Variants in CDK14 observed in about 807,000 individuals in gnomAD.
CDK14 encodes the protein cyclin-dependent kinase 14.
Under a neutral mutation model 60.7 loss-of-function variants are expected in CDK14, and 34 were observed. The ratio of observed to expected loss-of-function variants is 0.56; its 90% CI spans 0.43 to 0.75. CDK14 has a LOEUF of 0.75. Among genes scored for constraint, CDK14 ranks in the 30% least tolerant of loss-of-function variants. The pLI is 0.00. For missense variants in CDK14, 482 were observed against 564.1 expected, an observed-to-expected ratio of 0.85 and a Z score of 1.47; for synonymous variants, 197 against 203.7, an observed-to-expected ratio of 0.97 and a Z score of 0.28.
At chr7:90,922,207 C>T (rs549854312) in intron 8 of CDK14, among the ~76,000 whole-genome samples, 46 of 152,136 alleles carry the variant, frequency 3.0e-4, no homozygotes, top group Middle Eastern at 6.8e-3. Flanking sequence ...TGTGGCCTGC[C>T]GGATTCAATT....
intron 3 of CDK14, among the ~76,000 whole-genome samples, chr7:90,729,582 C>G (rs1257781567): frequency 6.6e-6 from 1 of 151,328 alleles, no homozygotes; most frequent in Non-Finnish European, 1.5e-5. Context: ...CACAGTTTCT[C>G]TATTGTATTT....
intron 8 of CDK14, among the ~76,000 whole-genome samples, chr7:90,942,839 A>T (rs3808251): frequency 0.34 from 51,231 of 152,026 alleles, 9,025 homozygotes; most frequent in East Asian, 0.49. Context: ...CTTTATATTT[A>T]TATAACAGAA....
chr7:90,942,816 G>A lies in CDK14; in HGVS notation c.827-12881G>A, dbSNP rs76640245. ...ATTTCACTGCTTGCCCCAGAACAGT[G>A]GGTAGGGACTTGCTTTATATTTATA... On this transcript the variant is annotated intron_variant, in intron 8 of 14. Coordinates refer to ENST00000380050, the MANE Select transcript of CDK14 (RefSeq NM_001287135.2). Among the ~76,000 whole-genome samples the A allele has an allele frequency of 6.9e-3, 1,044 of 152,252 alleles. 19 individuals are homozygous for A. Among genetic ancestry groups the A allele is most frequent in the African/African-American group, 0.023 (963 of 41,554 alleles).
intron 14 of CDK14, among the ~76,000 whole-genome samples, chr7:91,146,502 T>A (rs1002282467): frequency 1.3e-5 from 2 of 152,148 alleles, no homozygotes; most frequent in Non-Finnish European, 2.9e-5. Flanking sequence ...TGCCCAGCGC[T>A]GAGGTTCTAA....
chr7:90,848,044 C>G (rs2117170192), intron 5 of CDK14, among the ~76,000 whole-genome samples: 1 of 152,186 alleles, frequency 6.6e-6, no homozygotes, highest in South Asian at 2.1e-4. Context: ...TGCCTTCCTC[C>G]CATTCTGTTT....
intron 8 of CDK14, among the ~76,000 whole-genome samples, chr7:90,949,311 C>T (rs1403759668): frequency 1.3e-5 from 2 of 151,974 alleles, no homozygotes; most frequent in Non-Finnish European, 2.9e-5. Context: ...AAGTGATTCT[C>T]TGTCTCCGCT....
chr7:90,634,705 C>T lies in CDK14; in HGVS notation c.123+30456C>T, dbSNP rs1233288476. Among the ~76,000 whole-genome samples the T allele has an allele frequency of 2.0e-5, 3 of 151,742 alleles. No individual in the cohort carries two copies. In the South Asian group the frequency reaches 6.2e-4, roughly 32 times the overall value. ...TAGTTCTAGATCCCTGAGGAATCGC[C>T]ACACTGACTTCCACAATGGTTGAAC... On this transcript the variant is annotated intron_variant, in intron 2 of 14. Coordinates refer to ENST00000380050, the MANE Select transcript of CDK14 (RefSeq NM_001287135.2).
At chr7:91,082,764 A>G (rs1798518150) in intron 12 of CDK14, among the ~76,000 whole-genome samples, 1 of 152,188 alleles carries the variant, frequency 6.6e-6, no homozygotes, top group Admixed American at 6.5e-5. Context: ...TATGCATAAA[A>G]CATAATGTAT....
chr7:91,195,439 A>AT (rs757859560), intron 14 of CDK14, among the ~76,000 whole-genome samples: 12 of 152,188 alleles, frequency 7.9e-5, no homozygotes, highest in South Asian at 4.1e-4. Flanking sequence ...TGAACAAACT[A>AT]TTTATAAAGT....
intron 8 of CDK14, among the ~76,000 whole-genome samples, chr7:90,936,845 G>A (rs1264811964): frequency 6.6e-6 from 1 of 152,162 alleles, no homozygotes; most frequent in African/African-American, 2.4e-5. Context: ...TTGGGAAGCT[G>A]ACAAGGGAGG....
At chr7:90,604,334 C>CA (rs897145483) in intron 2 of CDK14, 85 bp downstream of exon 2, 66 of 688,288 alleles carry the variant, frequency 9.6e-5, no homozygotes, top group Middle Eastern at 3.1e-4. Context: ...TACCTGGAAA[C>CA]AAAAAAAATG....
chr7:90,952,383 A>G (rs886073793), intron 8 of CDK14, among the ~76,000 whole-genome samples: 1 of 152,178 alleles, frequency 6.6e-6, no homozygotes, highest in African/African-American at 2.4e-5. Flanking sequence ...GAGGTTAGCT[A>G]TAAAGCTTCT....
chr7:91,050,738 C>T lies in CDK14; in HGVS notation c.1105+4778C>T, dbSNP rs368006002. Among the ~76,000 whole-genome samples, 196 of 152,290 alleles carry T rather than the reference C, an allele frequency of 1.3e-3. 2 individuals carry two copies. The highest frequency in any genetic ancestry group is 4.5e-3 in the African/African-American group (185 of 41,546). ...TTCAGTTGGCTCCAGGATCTGCAGG[C>T]TGTACAAGAAGCATGACACCAGCAT... On this transcript the variant is annotated intron_variant, in intron 11 of 14. Transcript: ENST00000380050.
At chr7:90,787,880 C>CT (rs1230084255) in intron 4 of CDK14, among the ~76,000 whole-genome samples, 1 of 151,984 alleles carries the variant, frequency 6.6e-6, no homozygotes, top group Non-Finnish European at 1.5e-5. Flanking sequence ...TTTCAAAGAC[C>CT]TTTTTCACTA....
chr7:90,725,563 T>G (rs1212175113), intron 2 of CDK14, among the ~76,000 whole-genome samples: 2 of 152,196 alleles, frequency 1.3e-5, no homozygotes, highest in East Asian at 3.8e-4. Context: ...ATAAATATCT[T>G]CGGTTTTTCT....
At chr7:90,871,669 A>G (rs1222199916) in intron 6 of CDK14, among the ~76,000 whole-genome samples, 2 of 152,218 alleles carry the variant, frequency 1.3e-5, no homozygotes, top group African/African-American at 4.8e-5. Context: ...AATATTGTAG[A>G]AAGGGTTCCT....
intron 5 of CDK14, among the ~76,000 whole-genome samples, chr7:90,817,775 C>T (rs1789403499): frequency 1.3e-5 from 2 of 152,112 alleles, no homozygotes; most frequent in South Asian, 4.1e-4. Flanking sequence ...AGATTGTAAG[C>T]CGTTAGGAAG....
At chr7:90,896,086 CTT>C (rs925395023) in intron 6 of CDK14, among the ~76,000 whole-genome samples, 12 of 151,030 alleles carry the variant, frequency 7.9e-5, no homozygotes, top group African/African-American at 2.4e-4. Context: ...TTTCTTGTCT[CTT>C]TTGTTTTCTC....
rs115978721 is a variant in CDK14, at chr7:90,815,131, A to G, written c.544+24479A>G. On this transcript the variant is annotated intron_variant, in intron 5 of 14. Coordinates refer to ENST00000380050, the MANE Select transcript of CDK14 (RefSeq NM_001287135.2). Reference sequence around the variant, plus strand: ...CTTTATGATACAGTCAATTGTGTTCAATTATAAACTATTGCCAACTTAGGG... The same window carrying G: ...CTTTATGATACAGTCAATTGTGTTCGATTATAAACTATTGCCAACTTAGGG... Among the ~76,000 whole-genome samples the G allele has an allele frequency of 8.3e-3, 1,269 of 152,324 alleles. 26 individuals carry two copies. Among genetic ancestry groups the G allele is most frequent in the African/African-American group, 0.026 (1,101 of 41,582 alleles).
Sources: gnomAD v4.1 joint callset for allele counts (sites outside exome capture counted in the v4.1 genomes callset) on GRCh38, gnomAD v4.1.1 for gene constraint, MANE v1.5 for transcripts, NCBI Gene and HGNC (gene_info 2026-07-23, HGNC 2026-07-21) for gene names.